Variants in PLCL1 observed in about 807,000 individuals in gnomAD.
The protein encoded by PLCL1 is phospholipase C like 1 (inactive), also known as inactive phospholipase C-like protein 1.
Under a neutral mutation model 84.4 loss-of-function variants are expected in PLCL1, and 41 were observed. That is an observed-to-expected ratio of 0.49 (90% CI 0.38 to 0.63). The LOEUF (loss-of-function observed/expected upper bound fraction) is 0.63, where lower values mean the gene tolerates loss of function less well. Among genes scored for constraint, PLCL1 ranks in the 30% least tolerant of loss-of-function variants. The probability of loss-of-function intolerance (pLI) is 0.00; values close to 1 mark genes in which losing one functional copy is unlikely to be tolerated. For missense variants in PLCL1, 1,206 were observed against 1,367.8 expected (o/e 0.88, Z 1.87); for synonymous variants, 490 against 488.3 (o/e 1.00, Z -0.05).
At position 197,936,139 on chromosome 2, in the gene PLCL1, C is replaced by G. The variant is rs531206879; in HGVS notation, c.240+130800C>G. Among the ~76,000 whole-genome samples the G allele has an allele frequency of 6.6e-4, 97 of 147,152 alleles. 1 individual carries two copies. The highest frequency in any genetic ancestry group is 2.4e-3 in the African/African-American group (97 of 40,718). ...GTATACATATATTAAACACCCCCCC[C>G]CTCACATTTTCTTTATCCATTCATG... On this transcript the variant is annotated intron_variant, in intron 1 of 5. Coordinates refer to ENST00000428675, the MANE Select transcript of PLCL1 (RefSeq NM_006226.4).
At chr2:197,933,265 CTT>C (rs774904338) in intron 1 of PLCL1, among the ~76,000 whole-genome samples, 5 of 127,250 alleles carry the variant, frequency 3.9e-5, no homozygotes, top group Non-Finnish European at 6.8e-5. Context: ...TTTTTCTTTT[CTT>C]TTTTTTTTTT....
chr2:198,076,092 T>G (rs1367735902), intron 1 of PLCL1, among the ~76,000 whole-genome samples: 1 of 152,204 alleles, frequency 6.6e-6, no homozygotes, highest in Non-Finnish European at 1.5e-5. Flanking sequence ...ATGATTGCAG[T>G]GAGGTACAGC....
intron 1 of PLCL1, among the ~76,000 whole-genome samples, chr2:197,988,856 C>G (rs2105810803): frequency 6.6e-6 from 1 of 152,298 alleles, no homozygotes; most frequent in South Asian, 2.1e-4. Flanking sequence ...TATAAGTGTT[C>G]CCCTTTCACC....
chr2:197,939,550 CA>C (rs1232490294), intron 1 of PLCL1, among the ~76,000 whole-genome samples: 4 of 152,084 alleles, frequency 2.6e-5, no homozygotes, highest in African/African-American at 9.7e-5. Context: ...CTGGTTTCTT[CA>C]TGTGGTCTTC....
intron 1 of PLCL1, among the ~76,000 whole-genome samples, chr2:198,015,305 A>T (rs1690971314): frequency 2.0e-5 from 3 of 152,196 alleles, no homozygotes. Context: ...TCACTGTAAG[A>T]TATATTTACA....
intron 5 of PLCL1, among the ~76,000 whole-genome samples, chr2:198,143,502 A>ATC (rs2105947734): frequency 6.6e-6 from 1 of 152,278 alleles, no homozygotes; most frequent in East Asian, 1.9e-4. Flanking sequence ...TTAGAGGGAG[A>ATC]TCTGGTATAA....
intron 1 of PLCL1, among the ~76,000 whole-genome samples, chr2:197,922,031 T>A (rs1300971658): frequency 6.9e-6 from 1 of 144,124 alleles, no homozygotes; most frequent in African/African-American, 2.5e-5. Flanking sequence ...TTTATTTTTT[T>A]ATTGATAATT....
intron 1 of PLCL1, among the ~76,000 whole-genome samples, chr2:197,906,300 A>G (rs990211880): frequency 4.0e-5 from 6 of 151,390 alleles, no homozygotes; most frequent in Admixed American, 1.3e-4. Context: ...TCCCAATGCC[A>G]TTTATCAAAT....
intron 1 of PLCL1, among the ~76,000 whole-genome samples, chr2:197,911,117 C>T (rs1438766682): frequency 1.3e-5 from 2 of 152,112 alleles, no homozygotes; most frequent in East Asian, 1.9e-4. Context: ...CTGAGGCGGG[C>T]AGATCACTTG....
intron 1 of PLCL1, among the ~76,000 whole-genome samples, chr2:198,003,166 T>C (rs949066893): frequency 3.3e-5 from 5 of 152,190 alleles, no homozygotes; most frequent in Non-Finnish European, 7.3e-5. Flanking sequence ...CACAATTTTT[T>C]AACTAATAAT....
At chr2:197,857,903 G>GA (rs35993787) in intron 1 of PLCL1, among the ~76,000 whole-genome samples, 4 of 151,626 alleles carry the variant, frequency 2.6e-5, no homozygotes, top group African/African-American at 7.3e-5. Flanking sequence ...AAGGGATCTT[G>GA]AAAAAAAAGG....
At position 197,805,006 on chromosome 2, in the gene PLCL1, C is replaced by T. The variant is rs1277565291; in HGVS notation, c.-94C>T. On this transcript the variant is annotated 5_prime_UTR_variant, in exon 1 of 6. Coordinates refer to ENST00000428675, the MANE Select transcript of PLCL1 (RefSeq NM_006226.4). This position sits in a 1 kb window ranked among gnomAD's most constrained non-coding sequence, Gnocchi z 4.0. ...GCGGTGAAACAAAGTCTGGCGGGGC[C>T]GCCTCCCGGTGCAGGAGCGCACCGG... 4 of 1,341,408 alleles carry T rather than the reference C, an allele frequency of 3.0e-6. No individual in the cohort carries two copies. Among genetic ancestry groups the T allele is most frequent in the African/African-American group, 1.6e-5 (1 of 64,268 alleles). 83.1% of individuals were successfully genotyped at this position (1,341,408 alleles called of 1,614,324 possible).
intron 1 of PLCL1, among the ~76,000 whole-genome samples, chr2:197,974,586 C>T (rs1689929963): frequency 1.3e-5 from 2 of 152,314 alleles, no homozygotes; most frequent in South Asian, 4.1e-4. Context: ...AAATGCAGAG[C>T]ACAAAGTTTG....
chr2:197,948,499 G>C (rs148066645), intron 1 of PLCL1, among the ~76,000 whole-genome samples: 5 of 152,036 alleles, frequency 3.3e-5, no homozygotes, highest in Admixed American at 6.6e-5. Context: ...TTCCTGTAAT[G>C]TGTGGCTTAA....
chr2:197,847,418 G>T (rs1414677934), intron 1 of PLCL1, among the ~76,000 whole-genome samples: 1 of 152,166 alleles, frequency 6.6e-6, no homozygotes, highest in Non-Finnish European at 1.5e-5. Flanking sequence ...TACAATAGAT[G>T]TTTTTATTTT....
At chr2:197,888,793 T>A (rs1243365324) in intron 1 of PLCL1, among the ~76,000 whole-genome samples, 1 of 152,214 alleles carries the variant, frequency 6.6e-6, no homozygotes, top group African/African-American at 2.4e-5. Flanking sequence ...GCATATCTCA[T>A]GATTCCTGCT....
At chr2:198,015,314 C>T (rs6741701) in intron 1 of PLCL1, among the ~76,000 whole-genome samples, 23 of 152,066 alleles carry the variant, frequency 1.5e-4, no homozygotes, top group Non-Finnish European at 3.2e-4. Flanking sequence ...GATATATTTA[C>T]AAGCATAAAT....
At chr2:197,867,668 A>G (rs1687574889) in intron 1 of PLCL1, among the ~76,000 whole-genome samples, 1 of 152,124 alleles carries the variant, frequency 6.6e-6, no homozygotes, top group Admixed American at 6.6e-5. Flanking sequence ...TGTTGCTGAC[A>G]CATCCCTGCT....
At chr2:197,902,225 A>G (rs1688281932) in intron 1 of PLCL1, among the ~76,000 whole-genome samples, 1 of 152,102 alleles carries the variant, frequency 6.6e-6, no homozygotes, top group Non-Finnish European at 1.5e-5. Context: ...ACAGCCAAGG[A>G]AGGGAATTCT....
Sources: allele counts gnomAD v4.1 joint callset (sites outside exome capture counted in the v4.1 genomes callset), GRCh38; gene constraint gnomAD v4.1.1; non-coding constraint Gnocchi (gnomAD v3.1); transcripts MANE v1.5; gene names NCBI Gene and HGNC (gene_info 2026-07-23, HGNC 2026-07-21).